Variants in PLB1 observed in about 807,000 individuals in gnomAD.
The protein encoded by PLB1 is phospholipase B1.
In PLB1, 242 loss-of-function variants were observed where a neutral mutation model predicts 227.4. The ratio of observed to expected loss-of-function variants is 1.06; its 90% CI spans 0.96 to 1.18. The LOEUF is 1.18. PLB1 is among the 50% of genes most tolerant of loss of function. The pLI is 0.00. For missense variants in PLB1, 1,858 were observed against 1,816.3 expected (o/e 1.02, Z -0.42); for synonymous variants, 757 against 682.2 (o/e 1.11, Z -1.71).
In PLB1 at chr2:28,531,756, AT is replaced by A. The variant is rs1476878895; in HGVS notation, c.469-349del. 1.1e-4 allele frequency among the ~76,000 whole-genome samples: 16 copies of A among 152,338 alleles called. No individual in the cohort carries two copies. The East Asian group carries it at 3.1e-3, about 29-fold the overall frequency. ...TACACAGCAGTCCCCTCTTTTGGAC[AT>A]TTATGTTGTTTCCAGTTTTTCCTTC... On this transcript the variant is annotated intron_variant, in intron 8 of 57. Coordinates refer to ENST00000327757, the MANE Select transcript of PLB1 (RefSeq NM_153021.5).
intron 1 of PLB1, among the ~76,000 whole-genome samples, chr2:28,503,504 C>A (rs924279239): frequency 1.3e-5 from 2 of 152,140 alleles, no homozygotes; most frequent in African/African-American, 4.8e-5. Context: ...AAACTACCCC[C>A]AAATCTCAGT....
rs142239623 is a variant in PLB1 at position 28,592,125 on chromosome 2, T to C, written c.2188+365T>C. Among the ~76,000 whole-genome samples the C allele has an allele frequency of 4.9e-3, 751 of 152,218 alleles. 4 individuals are homozygous for C. The highest frequency in any genetic ancestry group is 0.017 in the African/African-American group (706 of 41,534). On this transcript the variant is annotated intron_variant, in intron 31 of 57. Coordinates refer to ENST00000327757, the MANE Select transcript of PLB1 (RefSeq NM_153021.5). ...GCTCTGCAATCACTGCCGCCTACAG[T>C]AGGGCCTGGAAGTTTCCCTGGGCTG...
intron 57 of PLB1, among the ~76,000 whole-genome samples, 166 bp downstream of exon 57, chr2:28,641,167 A>G (rs1178241199): frequency 6.6e-6 from 1 of 152,112 alleles, no homozygotes; most frequent in Non-Finnish European, 1.5e-5. Context: ...GAAACTTCTC[A>G]GTGTGTGGGC....
At chr2:28,548,605 C>A (rs145643065) in intron 14 of PLB1, 1 of 543,830 alleles carries the variant, frequency 1.8e-6, no homozygotes, top group Middle Eastern at 3.0e-4. Flanking sequence ...ATATATAAAA[C>A]CGATGCTGCT....
chr2:28,643,055 C>A lies in PLB1; in HGVS notation c.4371C>A (p.Ala1457=). Residue 1457 remains alanine (A), a synonymous_variant, in exon 58 of 58, where the codon GCC becomes GCA. Coordinates refer to ENST00000327757, the MANE Select transcript of PLB1 (RefSeq NM_153021.5). ...EDPPMSLRTV[A]L The stretch of plus-strand genomic sequence containing the variant: ...CTCCAATGAGCCTGCGCACTGTGGC[C>A]CTCTAGGCCCGGGGGTGGGTCCTCA... 6.3e-7 allele frequency: 1 copy of A among 1,598,976 alleles called. No individual in the cohort carries two copies. The highest frequency in any genetic ancestry group is 1.1e-5 in the South Asian group (1 of 88,750).
chr2:28,598,902 C>T (rs1318998164), intron 35 of PLB1, 142 bp downstream of exon 35: 2 of 708,836 alleles, frequency 2.8e-6, no homozygotes, highest in East Asian at 2.6e-5. Flanking sequence ...TCCCTGCTGC[C>T]CCTGTGACGA....
rs66959655 is a variant in PLB1, at chr2:28,636,051, GTA to G, written c.4098+3014_4098+3015del. On this transcript the variant is annotated intron_variant, in intron 56 of 57. Coordinates refer to ENST00000327757, the MANE Select transcript of PLB1 (RefSeq NM_153021.5). ...TGTATGTGTGTGTGTGTATGTATGT[GTA>G]TGTGTGTATGTATGTATGTATGTAT... Among the ~76,000 whole-genome samples the G allele has an allele frequency of 6.1e-4, 70 of 114,976 alleles. No homozygotes were observed. The East Asian group carries it at 0.015, about 25-fold the overall frequency. 75.4% of individuals were successfully genotyped at this position (114,976 alleles called of 152,430 possible). A position where few individuals can be genotyped will look rare whatever the true frequency, so the allele number is the denominator to read the frequency against.
In PLB1 at chr2:28,526,374, T is replaced by G. The variant is rs558660122; in HGVS notation, c.325+429T>G. ...TCCAGTCTATTTTATCCTGTAATATTGCCCTTGCTTGTAAAATACAAGACA... is the reference window on the plus strand; with the variant it reads ...TCCAGTCTATTTTATCCTGTAATATGGCCCTTGCTTGTAAAATACAAGACA... On this transcript the variant is annotated intron_variant, in intron 6 of 57. Coordinates refer to ENST00000327757, the MANE Select transcript of PLB1 (RefSeq NM_153021.5). Among the ~76,000 whole-genome samples, 7 of 152,230 alleles carry G rather than the reference T, an allele frequency of 4.6e-5. No homozygotes were observed. The East Asian group carries it at 1.4e-3, about 29-fold the overall frequency.
intron 49 of PLB1, among the ~76,000 whole-genome samples, chr2:28,624,170 C>G (rs533226921): frequency 1.3e-5 from 2 of 152,280 alleles, no homozygotes; most frequent in East Asian, 3.9e-4. Flanking sequence ...GTTCATCACC[C>G]ACAGGAGTTT....
chr2:28,578,268 C>CT (rs1445697961), intron 22 of PLB1, 110 bp downstream of exon 22: 1 of 1,017,192 alleles, frequency 9.8e-7, no homozygotes, highest in Non-Finnish European at 1.5e-6. Context: ...GCAGACACAT[C>CT]TGAAGCCTAA....
intron 47 of PLB1, 80 bp from the exon 48 acceptor site, chr2:28,620,519 TC>T: frequency 3.3e-6 from 5 of 1,508,600 alleles, no homozygotes; most frequent in Non-Finnish European, 4.5e-6. Flanking sequence ...AGAACCCGGT[TC>T]CGGTTCTGGC....
Position 28,589,570 on chromosome 2 carries a change from A to G in PLB1, c.1920+16A>G. ...AAAGACCTCGGTAAAGAAAGCAAGC[A>G]TCGTAGAAAAATAGAATCCACAGAT... is the stretch of plus-strand genomic sequence containing the variant. On this transcript the variant is annotated intron_variant, in intron 27 of 57. Coordinates refer to ENST00000327757, the MANE Select transcript of PLB1 (RefSeq NM_153021.5). 2 of 1,613,406 alleles carry G rather than the reference A, an allele frequency of 1.2e-6. No individual in the cohort carries two copies. Among genetic ancestry groups the G allele is most frequent in the Non-Finnish European group, 1.7e-6 (2 of 1,179,282 alleles).
chr2:28,601,440 C>T, intron 37 of PLB1, 108 bp downstream of exon 37: 1 of 797,828 alleles, frequency 1.3e-6, no homozygotes, highest in South Asian at 1.5e-5. Context: ...GATTATCCAC[C>T]TACACCTATG....
Position 28,496,815 on chromosome 2 carries a change from G to A in PLB1, c.55+646G>A, listed in dbSNP as rs73922125. ...CCATCATTGGCTCTCCCTTTGCTTA[G>A]GAAGGCAGAATCTTTTAAACTGAAA... On this transcript the variant is annotated intron_variant, in intron 1 of 57. Transcript: ENST00000327757. Among the ~76,000 whole-genome samples, 632 of 152,246 alleles carry A rather than the reference G, an allele frequency of 4.2e-3. 5 individuals carry two copies. The highest frequency in any genetic ancestry group is 0.014 in the African/African-American group (599 of 41,534).
chr2:28,504,657 A>G (rs1373586966), intron 1 of PLB1, among the ~76,000 whole-genome samples: 1 of 152,108 alleles, frequency 6.6e-6, no homozygotes, highest in East Asian at 1.9e-4. Context: ...CAGGAGAATT[A>G]CTTGAACCTG....
At chr2:28,521,997 A>G (rs1242555184) in intron 4 of PLB1, among the ~76,000 whole-genome samples, 2 of 151,462 alleles carry the variant, frequency 1.3e-5, no homozygotes, top group Non-Finnish European at 2.9e-5. Context: ...GCCCCAGCCC[A>G]CCACTCCATG....
Position 28,585,766 on chromosome 2 carries a change from T to C in PLB1, c.1739T>C (p.Leu580Pro). The C allele has an allele frequency of 6.2e-7, 1 of 1,605,030 alleles. No homozygotes were observed. Among genetic ancestry groups the C allele is most frequent in the Non-Finnish European group, 8.5e-7 (1 of 1,171,662 alleles). Residue 580 changes from leucine to proline, a missense_variant, in exon 26 of 58, where the codon CTG becomes CCG. Physicochemically the swap from Leu to Pro is moderately conservative, Grantham distance 98 (BLOSUM62 -3). Transcript: ENST00000327757. ...VYCPRMILRS[L>P]CPCVLKFDDN... Reference sequence around the variant, plus strand: ...CTCTTTGGTTTGGTCTACAGGTCTCTGTGTCCCTGTGTCCTGAAGTTTGAT... The same window carrying C: ...CTCTTTGGTTTGGTCTACAGGTCTCCGTGTCCCTGTGTCCTGAAGTTTGAT...
chr2:28,591,063 T>A (rs1655333549), intron 29 of PLB1, 70 bp from the exon 30 acceptor site: 1 of 1,594,696 alleles, frequency 6.3e-7, no homozygotes, highest in Non-Finnish European at 8.6e-7. Flanking sequence ...AGGCCGACAC[T>A]TAACTGAGTG....
rs760511772 is a variant in PLB1, at chr2:28,614,116, T to C, written c.3195+20T>C. 6.3e-7 allele frequency: 1 copy of C among 1,597,224 alleles called. No individual in the cohort carries two copies. The highest frequency in any genetic ancestry group is 1.3e-5 in the African/African-American group (1 of 74,664). On this transcript the variant is annotated intron_variant, in intron 44 of 57. Transcript: ENST00000327757. ...ATTGAGGTAACCCCTGACTCACATC[T>C]GCCTCTCTCAGACACAAACCATTTC...
Sources: allele counts gnomAD v4.1 joint callset (sites outside exome capture counted in the v4.1 genomes callset), GRCh38; gene constraint gnomAD v4.1.1; transcripts MANE v1.5; gene names NCBI Gene and HGNC (gene_info 2026-07-23, HGNC 2026-07-21).